Variants in TMEM19 observed in about 807,000 individuals in gnomAD.
The protein encoded by TMEM19 is transmembrane protein 19.
Under a neutral mutation model 33.6 loss-of-function variants are expected in TMEM19, and 21 were observed. The ratio of observed to expected loss-of-function variants is 0.62; its 90% CI spans 0.44 to 0.90. TMEM19 has a LOEUF of 0.90. Among genes scored for constraint, TMEM19 ranks in the 40% least tolerant of loss-of-function variants. The pLI is 0.00. For synonymous variants in TMEM19, 149 were observed against 147.5 expected, an observed-to-expected ratio of 1.01 and a Z score of -0.07; for missense variants, 402 against 401.8, an observed-to-expected ratio of 1.00 and a Z score of 0.00.
At chr12:71,694,313 G>T (rs1467026822) in intron 2 of TMEM19, among the ~76,000 whole-genome samples, 1 of 152,194 alleles carries the variant, frequency 6.6e-6, no homozygotes, top group Non-Finnish European at 1.5e-5. Context: ...GCAAGAGGGG[G>T]TGTTGTCAGG....
rs189612744 is a variant in TMEM19, at chr12:71,688,546, T to C, written c.131-1045T>C. ...GCCCGGCCCATTTTCTCATTTTTGA[T>C]AGAAACATAGATACAAGCAGTGGTT... On this transcript the variant is annotated intron_variant, in intron 1 of 5. Coordinates refer to ENST00000266673, the MANE Select transcript of TMEM19 (RefSeq NM_018279.4). 1.1e-3 allele frequency among the ~76,000 whole-genome samples: 166 copies of C among 152,272 alleles called. No homozygotes were observed. In the Middle Eastern group the frequency reaches 0.014, roughly 12 times the overall value.
chr12:71,698,474 C>T (rs1318111816), intron 4 of TMEM19, among the ~76,000 whole-genome samples: 2 of 152,194 alleles, frequency 1.3e-5, no homozygotes, highest in African/African-American at 4.8e-5. Context: ...CAAGGTGGCT[C>T]ATGCCTGTCA....
chr12:71,689,615 G>C lies in TMEM19; in HGVS notation c.155G>C (p.Trp52Ser). ...YYGNLRPISP[W>S]RWLFSVVVPV... ...GGTAACTTACGACCTATTTCTCCGT[G>C]GCGTTGGCTGTTTTCTGTTGTTGTT... Residue 52 changes from tryptophan (W) to serine (S), a missense_variant, in exon 2 of 6, where the codon TGG (tryptophan) becomes TCG (serine). Coordinates refer to ENST00000266673, the MANE Select transcript of TMEM19 (RefSeq NM_018279.4). 6.2e-7 allele frequency: 1 copy of C among 1,613,994 alleles called. No homozygotes were observed. The highest frequency in any genetic ancestry group is 8.5e-7 in the Non-Finnish European group (1 of 1,179,996).
chr12:71,704,121 G>A lies in TMEM19; in HGVS notation c.*3126G>A. 1 of 274,144 alleles carries A rather than the reference G, an allele frequency of 3.6e-6. No homozygotes were observed. Among genetic ancestry groups the A allele is most frequent in the South Asian group, 3.2e-5 (1 of 31,172 alleles). 17.0% of individuals were successfully genotyped at this position (274,144 alleles called of 1,614,324 possible). A position where few individuals can be genotyped will look rare whatever the true frequency, so the allele number is the denominator to read the frequency against. ...AAGAGAGCAGATATATGTGGCTTGG[G>A]GCAGCTCCTGAAGAAGACTTGCAGG... On this transcript the variant is annotated 3_prime_UTR_variant, in exon 6 of 6. Coordinates refer to ENST00000266673, the MANE Select transcript of TMEM19 (RefSeq NM_018279.4).
chr12:71,698,558 A>C (rs1488878965), intron 4 of TMEM19, among the ~76,000 whole-genome samples: 4 of 150,988 alleles, frequency 2.6e-5, no homozygotes, highest in African/African-American at 9.8e-5. Context: ...GGCTATGATC[A>C]CACCATTGTA....
rs1199871414 is a variant in TMEM19 at position 71,686,410 on chromosome 12, G to GCCGGCAGCCGGCGA, written c.-265_-252dup. ...GGCTCCGGCGTGAGGCGCTGAAGCG[G>GCCGGCAGCCGGCGA]CCGGCAGCCGGCGACCGGCCCTCAC... On this transcript the variant is annotated 5_prime_UTR_variant, in exon 1 of 6. Transcript: ENST00000266673. The GCCGGCAGCCGGCGA allele has an allele frequency of 6.1e-6, 2 of 325,652 alleles. No individual in the cohort carries two copies. The highest frequency in any genetic ancestry group is 1.1e-5 in the Non-Finnish European group (2 of 178,162). The allele number at this position is 325,652 out of a possible 1,614,324, so 20.2% of individuals were successfully genotyped here. A position where few individuals can be genotyped will look rare whatever the true frequency, so the allele number is the denominator to read the frequency against.
intron 2 of TMEM19, among the ~76,000 whole-genome samples, chr12:71,693,879 T>A (rs1035050743): frequency 6.6e-6 from 1 of 152,202 alleles, no homozygotes; most frequent in African/African-American, 2.4e-5. Flanking sequence ...GATGTGACTT[T>A]GCTCCTCATT....
chr12:71,694,199 T>G (rs1881833180), intron 2 of TMEM19, among the ~76,000 whole-genome samples: 1 of 152,142 alleles, frequency 6.6e-6, no homozygotes, highest in Non-Finnish European at 1.5e-5. Context: ...AGCTGCACAC[T>G]GAAGTGGAGG....
chr12:71,686,840 T>A (rs773992830), intron 1 of TMEM19, 30 bp downstream of exon 1: 1 of 1,578,358 alleles, frequency 6.3e-7, no homozygotes, highest in South Asian at 1.1e-5. Flanking sequence ...GTTGTTTCTC[T>A]GTAATCTAGT....
chr12:71,695,580 A>G (rs1449521536), intron 2 of TMEM19, among the ~76,000 whole-genome samples: 1 of 152,220 alleles, frequency 6.6e-6, no homozygotes, highest in Admixed American at 6.5e-5. Flanking sequence ...ATTATTGTTG[A>G]GCTTTTGCCA....
At chr12:71,690,413 A>G (rs1881765541) in intron 2 of TMEM19, 1 of 152,242 alleles carries the variant, frequency 6.6e-6, no homozygotes, top group African/African-American at 2.4e-5. Context: ...TGGGCCTCCC[A>G]AAGTGCTGGG....
At chr12:71,698,605 AAAAG>A (rs1881917910) in intron 4 of TMEM19, among the ~76,000 whole-genome samples, 1 of 90,058 alleles carries the variant, frequency 1.1e-5, no homozygotes, top group African/African-American at 6.0e-5. Context: ...CTTGTCTCTG[AAAAG>A]AGAGAGAGAG....
chr12:71,702,490 A>G lies in TMEM19; in HGVS notation c.*1495A>G, dbSNP rs936619838. 11 of 151,952 alleles carry G rather than the reference A, an allele frequency of 7.2e-5. No homozygotes were observed. The highest frequency in any genetic ancestry group is 2.4e-4 in the African/African-American group (10 of 41,334). 9.4% of individuals were successfully genotyped at this position (151,952 alleles called of 1,614,324 possible). A position where few individuals can be genotyped will look rare whatever the true frequency, so the allele number is the denominator to read the frequency against. ...ACCATCACGCCCGGCTAATTTTTGT[A>G]TTTTCAGTAGAGACAGGGTTTCGCC... On this transcript the variant is annotated 3_prime_UTR_variant, in exon 6 of 6. Transcript: ENST00000266673.
At chr12:71,688,294 A>G (rs1881727024) in intron 1 of TMEM19, among the ~76,000 whole-genome samples, 1 of 152,118 alleles carries the variant, frequency 6.6e-6, no homozygotes, top group Non-Finnish European at 1.5e-5. Context: ...GCTGGAGTAC[A>G]GTGGCACGAT....
intron 4 of TMEM19, among the ~76,000 whole-genome samples, chr12:71,698,617 G>A (rs1592622359): frequency 2.8e-5 from 1 of 35,620 alleles, no homozygotes; most frequent in African/African-American, 4.6e-4. Flanking sequence ...AAGAGAGAGA[G>A]AGAGAGAGAG....
chr12:71,703,898 T>TG lies in TMEM19; in HGVS notation c.*2903_*2904insG. The TG allele has an allele frequency of 4.5e-6, 1 of 224,446 alleles. No homozygotes were observed. Among genetic ancestry groups the TG allele is most frequent in the Non-Finnish European group, 9.6e-6 (1 of 104,432 alleles). 13.9% of individuals were successfully genotyped at this position (224,446 alleles called of 1,614,324 possible). ...TCTCTGTCCTTTTTTTTTTTTTTTG[T>TG]TAAGTCTTACATGTATTTTACTGTA... On this transcript the variant is annotated 3_prime_UTR_variant, in exon 6 of 6. Transcript: ENST00000266673.
intron 2 of TMEM19, among the ~76,000 whole-genome samples, chr12:71,692,131 T>C (rs538497801): frequency 1.3e-5 from 2 of 152,348 alleles, no homozygotes; most frequent in South Asian, 4.1e-4. Context: ...AGGCAACACA[T>C]CTTTGTAAAC....
Position 71,686,568 on chromosome 12 carries a change from A to G in TMEM19, c.-113A>G. The G allele has an allele frequency of 1.7e-6, 2 of 1,192,794 alleles. No homozygotes were observed. 73.9% of individuals were successfully genotyped at this position (1,192,794 alleles called of 1,614,324 possible). Reference sequence around the variant, plus strand: ...TTTTTATGCTTGTTTGGTCGGTGGAATATGTTGGGATTTATGTTTGCCTCT... The same window carrying G: ...TTTTTATGCTTGTTTGGTCGGTGGAGTATGTTGGGATTTATGTTTGCCTCT... On this transcript the variant is annotated 5_prime_UTR_variant, in exon 1 of 6. Coordinates refer to ENST00000266673, the MANE Select transcript of TMEM19 (RefSeq NM_018279.4).
In TMEM19 at chr12:71,698,760, TA is replaced by T; in HGVS notation, c.638-135del. ...TTACCGAGGAGAAAATACTGTTTTC[TA>T]AAAAGCTACAGTCTTTAGATTGCAT... is the stretch of plus-strand genomic sequence containing the variant. On this transcript the variant is annotated intron_variant, in intron 4 of 5. Transcript: ENST00000266673. The T allele has an allele frequency of 4.1e-6, 3 of 729,754 alleles. No homozygotes were observed. The South Asian group carries it at 5.6e-5, about 14-fold the overall frequency. 45.2% of individuals were successfully genotyped at this position (729,754 alleles called of 1,614,324 possible). A position where few individuals can be genotyped will look rare whatever the true frequency, so the allele number is the denominator to read the frequency against.
Sources: gnomAD v4.1 joint callset for allele counts (sites outside exome capture counted in the v4.1 genomes callset) on GRCh38, gnomAD v4.1.1 for gene constraint, MANE v1.5 for transcripts, NCBI Gene and HGNC (gene_info 2026-07-23, HGNC 2026-07-21) for gene names.